The following NHSL1 variants were observed in gnomAD, a reference collection of about 807,000 sequenced individuals.
NHSL1 encodes the protein NHS like 1.
In NHSL1, 48 loss-of-function variants were observed where a neutral mutation model predicts 95.0. The observed-to-expected ratio is 0.51, with a 90% confidence interval of 0.40 to 0.64. The LOEUF is 0.64. Ranked by LOEUF, NHSL1 falls within the 30% of genes least tolerant of loss-of-function variation. NHSL1 has a pLI of 0.00. For missense variants in NHSL1, 1,971 were observed against 2,077.7 expected (o/e 0.95, Z 1.00); for synonymous variants, 783 against 833.9 (o/e 0.94, Z 1.05).
intron 1 of NHSL1, among the ~76,000 whole-genome samples, chr6:138,683,754 AC>A (rs1262644685): frequency 6.6e-6 from 1 of 152,244 alleles, no homozygotes; most frequent in African/African-American, 2.4e-5. Context: ...TCCATTGCTT[AC>A]CAGCTGTGAA....
In NHSL1 at chr6:138,604,131, A is replaced by C. The variant is rs540438609; in HGVS notation, c.96+88345T>G. 5.9e-5 allele frequency among the ~76,000 whole-genome samples: 9 copies of C among 152,346 alleles called. No individual in the cohort carries two copies. The South Asian group carries it at 1.0e-3, about 18-fold the overall frequency. ...ACCCAGAGCTAACATGGATCAACTT[A>C]AGTAGCTCTAAATATTTTTGTTTCA... On this transcript the variant is annotated intron_variant, in intron 1 of 3. Coordinates refer to the NHSL1 transcript ENST00000491526.
At position 138,690,278 on chromosome 6, in the gene NHSL1, T is replaced by C. The variant is rs527838133; in HGVS notation, c.96+2198A>G. Among the ~76,000 whole-genome samples the C allele has an allele frequency of 3.2e-3, 480 of 152,362 alleles. 2 individuals are homozygous for C. Among genetic ancestry groups the C allele is most frequent in the Non-Finnish European group, 5.1e-3 (345 of 68,034 alleles). On this transcript the variant is annotated intron_variant, in intron 1 of 3. Coordinates refer to the NHSL1 transcript ENST00000491526. ...GTTTTAAAAGAATCCTAACAGATGG[T>C]AATGCATAGGCATTTCACTGCTTTT... is the stretch of plus-strand genomic sequence containing the variant.
chr6:138,513,130 T>C (rs1400592825), intron 1 of NHSL1, among the ~76,000 whole-genome samples: 1 of 152,156 alleles, frequency 6.6e-6, no homozygotes, highest in Middle Eastern at 3.2e-3. Flanking sequence ...CTTTGCACAG[T>C]GCCAACCTCG....
chr6:138,478,429 A>C (rs1235771149), intron 2 of NHSL1, among the ~76,000 whole-genome samples: 1 of 152,170 alleles, frequency 6.6e-6, no homozygotes, highest in African/African-American at 2.4e-5. Flanking sequence ...GTAAACTCAT[A>C]AAATTCCACT....
intron 1 of NHSL1, among the ~76,000 whole-genome samples, chr6:138,636,122 CA>C (rs199791161): frequency 0.28 from 24,853 of 89,420 alleles, 1,747 homozygotes; most frequent in Middle Eastern, 0.35. Context: ...GACTCTGTCT[CA>C]AAAAAAAAAA....
chr6:138,489,855 A>G (rs1466681353), intron 2 of NHSL1, among the ~76,000 whole-genome samples: 32 of 66,960 alleles, frequency 4.8e-4, no homozygotes, highest in African/African-American at 2.2e-3. Context: ...GGAGAGAGGG[A>G]GAGAGAGAGA....
intron 1 of NHSL1, among the ~76,000 whole-genome samples, chr6:138,522,443 A>G (rs1383184215): frequency 1.3e-5 from 2 of 152,194 alleles, no homozygotes; most frequent in African/African-American, 2.4e-5. Flanking sequence ...GCAGTTCAAG[A>G]CCAGCCTGGT....
upstream of NHSL1, among the ~76,000 whole-genome samples, chr6:138,504,484 G>C (rs111313592): frequency 1.2e-4 from 18 of 152,342 alleles, no homozygotes; most frequent in African/African-American, 4.1e-4. Context: ...CCTGCTATTA[G>C]AGTACAGAGA....
rs1307673943 is a variant in NHSL1 at position 138,433,614 on chromosome 6, A to C, written c.731T>G (p.Leu244Arg). ...AGACCGACAGCTATTGAACCTTCCT[A>C]GTGTAGAGTAGTGATCAGGGGTGTA... ...SVYTPDHYST[L>R]GRFNSCRSAG... The change falls in exon 6 of 8, where the codon CTA (leucine) becomes CGA (arginine). Residue 244 changes from leucine (L) to arginine (R), a missense_variant. By Grantham distance (102) the Leu-to-Arg change is moderately radical. Coordinates refer to ENST00000343505, the MANE Select transcript of NHSL1 (RefSeq NM_001144060.2). 7.2e-5 allele frequency: 111 copies of C among 1,551,920 alleles called. No homozygotes were observed. Among genetic ancestry groups the C allele is most frequent in the Non-Finnish European group, 9.2e-5 (106 of 1,147,076 alleles).
chr6:138,623,596 T>C (rs78623862), intron 1 of NHSL1, among the ~76,000 whole-genome samples: 6,992 of 152,288 alleles, frequency 0.046, 223 homozygotes, highest in South Asian at 0.076. Flanking sequence ...ATAGACATCA[T>C]GTTGTACAAT....
At chr6:138,621,144 G>A (rs950753690) in intron 1 of NHSL1, among the ~76,000 whole-genome samples, 13 of 152,334 alleles carry the variant, frequency 8.5e-5, no homozygotes, top group Middle Eastern at 6.8e-3. Flanking sequence ...CATTAGTTGA[G>A]AAACCTGAAG....
At chr6:138,611,702 C>T (rs1261363854) in intron 1 of NHSL1, among the ~76,000 whole-genome samples, 1 of 151,782 alleles carries the variant, frequency 6.6e-6, no homozygotes, top group East Asian at 1.9e-4. Flanking sequence ...GCTGAGATCA[C>T]GCCACTGCAC....
At chr6:138,438,759 G>T (rs1469370046) in intron 5 of NHSL1, among the ~76,000 whole-genome samples, 3 of 152,056 alleles carry the variant, frequency 2.0e-5, no homozygotes, top group Non-Finnish European at 4.4e-5. Flanking sequence ...TTTTTAAAAA[G>T]TCTTGTCAAG....
chr6:138,546,014 A>G (rs1259270912), upstream of NHSL1, among the ~76,000 whole-genome samples: 1 of 152,240 alleles, frequency 6.6e-6, no homozygotes, highest in East Asian at 1.9e-4. Context: ...CGTGATCAAC[A>G]ACACAAAAAA....
intron 1 of NHSL1, among the ~76,000 whole-genome samples, chr6:138,679,425 C>T (rs1308224956): frequency 1.3e-5 from 2 of 152,208 alleles, no homozygotes; most frequent in South Asian, 2.1e-4. Flanking sequence ...TATGATGATA[C>T]ACAGAACTGT....
intron 2 of NHSL1, among the ~76,000 whole-genome samples, chr6:138,495,635 C>G (rs999332863): frequency 6.6e-6 from 1 of 152,228 alleles, no homozygotes; most frequent in Non-Finnish European, 1.5e-5. Context: ...AAGGTGTGGG[C>G]TCCTGGAAAC....
intron 1 of NHSL1, among the ~76,000 whole-genome samples, chr6:138,668,128 T>A (rs558360297): frequency 1.3e-5 from 2 of 152,252 alleles, no homozygotes; most frequent in Middle Eastern, 3.4e-3. Context: ...TGGTGACTTA[T>A]CAGACAGAGT....
intron 1 of NHSL1, among the ~76,000 whole-genome samples, chr6:138,684,069 G>A (rs760766896): frequency 4.6e-5 from 7 of 151,850 alleles, no homozygotes; most frequent in Non-Finnish European, 7.4e-5. Flanking sequence ...AAAATCAGCT[G>A]GGCATGGTGG....
chr6:138,688,200 C>T (rs996058367), intron 1 of NHSL1, among the ~76,000 whole-genome samples: 2 of 152,122 alleles, frequency 1.3e-5, no homozygotes, highest in Admixed American at 6.6e-5. Flanking sequence ...GATCGGCCCA[C>T]CTTGGCCTCC....
Sources: allele counts gnomAD v4.1 joint callset (sites outside exome capture counted in the v4.1 genomes callset), GRCh38; gene constraint gnomAD v4.1.1; transcripts MANE v1.5; gene names NCBI Gene and HGNC (gene_info 2026-07-23, HGNC 2026-07-21).